The following NOCT variants were observed in gnomAD, a reference collection of about 807,000 sequenced individuals.
The protein encoded by NOCT is CCR4 carbon catabolite repression 4-like.
A neutral mutation model predicts 35.0 loss-of-function variants in NOCT; 18 were observed. That is an observed-to-expected ratio of 0.51 (90% confidence interval 0.36 to 0.76). NOCT has a LOEUF of 0.76. Ranked by LOEUF, NOCT falls within the 30% of genes least tolerant of loss-of-function variation. The probability of loss-of-function intolerance (pLI) is 0.01; values close to 1 mark genes in which losing one functional copy is unlikely to be tolerated. For synonymous variants in NOCT, 235 were observed against 226.3 expected (o/e 1.04, Z -0.34); for missense variants, 479 against 541.0 (o/e 0.89, Z 1.14).
At chr4:139,036,813 G>A (rs1403939829) in intron 1 of NOCT, among the ~76,000 whole-genome samples, 1 of 152,146 alleles carries the variant, frequency 6.6e-6, no homozygotes, top group African/African-American at 2.4e-5. Context: ...TTATCCCAAG[G>A]ACTATGGGAT....
At chr4:139,025,752 C>G (rs556674990) in intron 1 of NOCT, among the ~76,000 whole-genome samples, 5 of 149,622 alleles carry the variant, frequency 3.3e-5, no homozygotes, top group Admixed American at 6.7e-5. Flanking sequence ...TTCAGTGAGC[C>G]GAGATGGCGC....
In NOCT at chr4:139,044,683, G is replaced by A; in HGVS notation, c.505G>A (p.Ala169Thr). The A allele has an allele frequency of 1.9e-6, 3 of 1,614,088 alleles. No homozygotes were observed. The highest frequency in any genetic ancestry group is 8.5e-7 in the Non-Finnish European group (1 of 1,179,944). ...CAACTTTGTACAGTGCCCTGTTGAAGCACTCAAATGGGAAGAAAGGAAATG... is the reference window on the plus strand; with the variant it reads ...CAACTTTGTACAGTGCCCTGTTGAAACACTCAAATGGGAAGAAAGGAAATG... Reference protein sequence around the residue: ...KDNFVQCPVEALKWEERKCLI... With the variant: ...KDNFVQCPVETLKWEERKCLI... The change falls in exon 3 of 3, where the codon GCA (alanine) becomes ACA (threonine). Residue 169 changes from alanine (A) to threonine (T), a missense_variant. This residue lies in a region of NOCT where 265 missense variants were observed against 257.0 expected (regional missense o/e 1.03). Transcript: ENST00000280614.
chr4:139,034,040 A>C (rs1003740982), intron 1 of NOCT, among the ~76,000 whole-genome samples: 1 of 152,088 alleles, frequency 6.6e-6, no homozygotes, highest in Non-Finnish European at 1.5e-5. Flanking sequence ...TCTGCTTCCT[A>C]GGATTGTGAT....
chr4:139,028,447 T>TG (rs1378315929), intron 1 of NOCT: 1 of 152,358 alleles, frequency 6.6e-6, no homozygotes, highest in African/African-American at 2.4e-5. Context: ...TTGATATCTC[T>TG]GGTAATGCCA....
intron 1 of NOCT, among the ~76,000 whole-genome samples, chr4:139,017,402 A>G (rs1726332724): frequency 6.6e-6 from 1 of 150,698 alleles, no homozygotes; most frequent in South Asian, 2.1e-4. Flanking sequence ...TGATTTTTGT[A>G]TTTTTAGTAG....
intron 1 of NOCT, among the ~76,000 whole-genome samples, chr4:139,021,362 TAA>T (rs1726409559): frequency 6.6e-6 from 1 of 152,068 alleles, no homozygotes; most frequent in African/African-American, 2.4e-5. Flanking sequence ...CTCAAGCCTG[TAA>T]TCCCAGCACT....
chr4:139,021,850 C>T (rs559152401), intron 1 of NOCT, among the ~76,000 whole-genome samples: 53 of 151,954 alleles, frequency 3.5e-4, no homozygotes, highest in Admixed American at 7.2e-4. Context: ...CCTGTGCCTC[C>T]CGGGTTCAAG....
chr4:139,020,937 A>G (rs1041811029), intron 1 of NOCT, among the ~76,000 whole-genome samples: 4 of 151,850 alleles, frequency 2.6e-5, no homozygotes, highest in African/African-American at 9.7e-5. Flanking sequence ...GTGGTGGTGC[A>G]CACCTGTACA....
At chr4:139,043,521 T>A in intron 2 of NOCT, 178 bp downstream of exon 2, 1 of 176,182 alleles carries the variant, frequency 5.7e-6, no homozygotes, top group Non-Finnish European at 1.1e-5. Context: ...TGGTTTTCAC[T>A]TTTTTTTTTT....
intron 1 of NOCT, among the ~76,000 whole-genome samples, chr4:139,037,603 C>G (rs1265743578): frequency 1.3e-5 from 2 of 152,110 alleles, no homozygotes; most frequent in Admixed American, 6.5e-5. Flanking sequence ...TGTGTCTCTA[C>G]TGCAAACAGT....
At chr4:139,033,890 CTTTT>C (rs914954179) in intron 1 of NOCT, among the ~76,000 whole-genome samples, 1 of 151,718 alleles carries the variant, frequency 6.6e-6, no homozygotes, top group Non-Finnish European at 1.5e-5. Context: ...CTAATTTTTT[CTTTT>C]TTTAATTACA....
At position 139,015,931 on chromosome 4, in the gene NOCT, G is replaced by C. The variant is rs1054653367; in HGVS notation, c.-51G>C. 2.3e-6 allele frequency: 3 copies of C among 1,285,234 alleles called. No individual in the cohort carries two copies. The African/African-American group carries it at 4.7e-5, about 20-fold the overall frequency. The allele number at this position is 1,285,234 out of a possible 1,614,324, so 79.6% of individuals were successfully genotyped here. On this transcript the variant is annotated 5_prime_UTR_variant, in exon 1 of 3. Transcript: ENST00000280614. ...CGACTCGGTGCCCTCGGCCCCAGCC[G>C]GGCTCCGCTCCTCGGGCGCGCGAGG... is the stretch of plus-strand genomic sequence containing the variant.
intron 1 of NOCT, among the ~76,000 whole-genome samples, chr4:139,022,240 C>T (rs1479350611): frequency 6.6e-6 from 1 of 152,154 alleles, no homozygotes; most frequent in Non-Finnish European, 1.5e-5. Flanking sequence ...GGGAGAAAAT[C>T]AGCCTTCCCA....
chr4:139,045,465 A>T lies in NOCT; in HGVS notation c.1287A>T (p.Gly429=). 1 of 1,481,166 alleles carries T rather than the reference A, an allele frequency of 6.8e-7. No individual in the cohort carries two copies. The highest frequency in any genetic ancestry group is 9.3e-7 in the Non-Finnish European group (1 of 1,077,428). 91.8% of individuals were successfully genotyped at this position (1,481,166 alleles called of 1,614,324 possible). A position where few individuals can be genotyped will look rare whatever the true frequency, so the allele number is the denominator to read the frequency against. ...CDFSFTEESD[G]LS ...TCAGCTTTACTGAGGAATCTGATGG[A>T]CTTTCATAAATACTTGCTTTTGTCT... Residue 429 remains glycine, a synonymous_variant, in exon 3 of 3, where the codon GGA becomes GGT. Transcript: ENST00000280614.
At chr4:139,022,578 GCGGACAC>G (rs1443514890) in intron 1 of NOCT, among the ~76,000 whole-genome samples, 4 of 152,150 alleles carry the variant, frequency 2.6e-5, no homozygotes, top group African/African-American at 9.7e-5. Flanking sequence ...GACAACACAG[GCGGACAC>G]CTGTGAGGAG....
chr4:139,029,652 A>G (rs529697189), intron 1 of NOCT, among the ~76,000 whole-genome samples: 1 of 152,294 alleles, frequency 6.6e-6, no homozygotes, highest in East Asian at 1.9e-4. Flanking sequence ...ATGGGGTCTC[A>G]CTACATTGCC....
At chr4:139,027,389 T>C (rs1726541265) in intron 1 of NOCT, among the ~76,000 whole-genome samples, 1 of 152,146 alleles carries the variant, frequency 6.6e-6, no homozygotes, top group Non-Finnish European at 1.5e-5. Flanking sequence ...ACTTTTTCCA[T>C]AAAGAGCCAG....
chr4:139,044,727 C>T lies in NOCT; in HGVS notation c.549C>T (p.Ile183=), dbSNP rs768473336. 2 of 1,614,174 alleles carry T rather than the reference C, an allele frequency of 1.2e-6. No homozygotes were observed. The highest frequency in any genetic ancestry group is 2.2e-5 in the South Asian group (2 of 91,084). The change falls in exon 3 of 3, where the codon ATC becomes ATT. Residue 183 remains isoleucine (I), a synonymous_variant. Coordinates refer to ENST00000280614, the MANE Select transcript of NOCT (RefSeq NM_012118.4). ...EERKCLILEE[I]LAYQPDILCL... ...GGAAATGTCTCATCCTGGAAGAAATCCTGGCCTACCAGCCTGATATATTGT... is the reference window on the plus strand; with the variant it reads ...GGAAATGTCTCATCCTGGAAGAAATTCTGGCCTACCAGCCTGATATATTGT...
At chr4:139,042,283 G>A (rs2148647567) in intron 1 of NOCT, among the ~76,000 whole-genome samples, 1 of 151,796 alleles carries the variant, frequency 6.6e-6, no homozygotes, top group African/African-American at 2.4e-5. Flanking sequence ...TGGCCAGGCT[G>A]GTCTCGAACT....
Sources: allele counts gnomAD v4.1 joint callset (sites outside exome capture counted in the v4.1 genomes callset), GRCh38; gene constraint gnomAD v4.1.1; regional missense constraint gnomAD v4.1.1; transcripts MANE v1.5; gene names NCBI Gene and HGNC (gene_info 2026-07-23, HGNC 2026-07-21).